The following TTN variants were observed in gnomAD, a reference collection of about 807,000 sequenced individuals.
The protein encoded by TTN is connectin.
In TTN, 1,525 loss-of-function variants were observed where a neutral mutation model predicts 3,223.0. That is an observed-to-expected ratio of 0.47 (90% CI 0.45 to 0.49). The LOEUF is 0.49. TTN is among the 20% of genes least tolerant of loss of function. The pLI is 0.00. For missense variants in TTN, 40,786 were observed against 43,424.0 expected (o/e 0.94, Z 5.40); for synonymous variants, 14,094 against 15,161.0 (o/e 0.93, Z 5.17).
At position 178,713,153 on chromosome 2, in the gene TTN, C is replaced by A; in HGVS notation, c.26981G>T (p.Gly8994Val). Residue 8994 changes from glycine (G) to valine (V), a missense_variant, in exon 93 of 363, where the codon GGT (glycine) becomes GTT (valine). Gly to Val is a moderately radical substitution (Grantham distance 109, BLOSUM62 -3). Coordinates refer to ENST00000589042, the MANE Select transcript of TTN (RefSeq NM_001267550.2). ...ATTAGTAGCTATACATGTGTAGTCA[C>A]CACTGTCTGATTCTTCCAGCATGTT... ...TVNMLEESDS[G>V]DYTCIATNMA... 2 of 1,613,746 alleles carry A rather than the reference C, an allele frequency of 1.2e-6. No individual in the cohort carries two copies. Among genetic ancestry groups the A allele is most frequent in the Non-Finnish European group, 1.7e-6 (2 of 1,179,756 alleles).
chr2:178,745,855 C>A, intron 47 of TTN: 1 of 1,612,920 alleles, frequency 6.2e-7, no homozygotes, highest in Admixed American at 1.7e-5. Flanking sequence ...CTTTGATAAA[C>A]CTGGGAGGCC....
chr2:178,581,959 C>T lies in TTN; in HGVS notation c.66410G>A (p.Gly22137Glu). ...EFRVTAINKA[G>E]PGKPSDASKA... Reference sequence around the variant, plus strand: ...GGATGCGTCACTGGGTTTGCCTGGTCCAGCTTTATTTATAGCTGTAACACG... The same window carrying T: ...GGATGCGTCACTGGGTTTGCCTGGTTCAGCTTTATTTATAGCTGTAACACG... Residue 22137 changes from glycine to glutamate, a missense_variant, in exon 315 of 363, where the codon GGA (glycine) becomes GAA (glutamate). Gly to Glu is a moderately conservative substitution (Grantham distance 98). Transcript: ENST00000589042. The T allele has an allele frequency of 2.5e-6, 4 of 1,613,218 alleles. No individual in the cohort carries two copies. Among genetic ancestry groups the T allele is most frequent in the Non-Finnish European group, 3.4e-6 (4 of 1,179,490 alleles).
intron 242 of TTN, among the ~76,000 whole-genome samples, chr2:178,623,773 C>G (rs1199270923): frequency 6.6e-6 from 1 of 151,882 alleles, no homozygotes; most frequent in Non-Finnish European, 1.5e-5. Context: ...AAAATGTCAT[C>G]ACTGGACAAA....
rs113350914 is a variant in TTN at position 178,617,801 on chromosome 2, G to C, written c.47550C>G (p.Phe15850Leu). The C allele has an allele frequency of 2.5e-6, 4 of 1,612,134 alleles. No individual in the cohort carries two copies. The African/African-American group carries it at 4.0e-5, about 16-fold the overall frequency. The change falls in exon 253 of 363, where the codon TTC becomes TTG. Residue 15850 changes from phenylalanine (F) to leucine (L), a missense_variant. Coordinates refer to ENST00000589042, the MANE Select transcript of TTN (RefSeq NM_001267550.2). Reference sequence around the variant, plus strand: ...TACCAATTGGATCAGCAACTTTGACGAAGGGTGTGGCTGCACTTGGTTTTC... The same window carrying C: ...TACCAATTGGATCAGCAACTTTGACCAAGGGTGTGGCTGCACTTGGTTTTC... ...GVGKPSAATP[F>L]VKVADPIERP...
rs767342781 is a variant in TTN at position 178,578,068 on chromosome 2, A to G, written c.68447T>C (p.Phe22816Ser). 1 of 1,613,250 alleles carries G rather than the reference A, an allele frequency of 6.2e-7. No homozygotes were observed. Among genetic ancestry groups the G allele is most frequent in the South Asian group, 1.1e-5 (1 of 91,050 alleles). Residue 22816 changes from phenylalanine to serine, a missense_variant, in exon 322 of 363, where the codon TTC (phenylalanine) becomes TCC (serine). Coordinates refer to ENST00000589042, the MANE Select transcript of TTN (RefSeq NM_001267550.2). The stretch of plus-strand genomic sequence containing the variant: ...TGCTAAATTGATTGCCATAACTCGG[A>G]ATTCATATTCAAGACCTTCAGTTAA... ...TGLTEGLEYE[F>S]RVMAINLAGV...
rs1692294550 is a variant in TTN at position 178,537,842 on chromosome 2, C to A, written c.99365G>T (p.Cys33122Phe). Reference protein sequence around the residue: ...TKLGEAAQLSCQIVGRPLPDI... With the variant: ...TKLGEAAQLSFQIVGRPLPDI... ...AGGAAGAGGCCTTCCAACAATCTGG[C>A]ATGAGAGTTGAGCAGCTTCACCCAA... The change falls in exon 355 of 363, where the codon TGC (cysteine) becomes TTC (phenylalanine). Residue 33122 changes from cysteine to phenylalanine, a missense_variant. Physicochemically the swap from Cys to Phe is radical, Grantham distance 205 (BLOSUM62 -2). Transcript: ENST00000589042. 1.9e-6 allele frequency: 3 copies of A among 1,613,654 alleles called. No individual in the cohort carries two copies. The East Asian group carries it at 6.7e-5, about 36-fold the overall frequency.
Position 178,567,545 on chromosome 2 carries a change from T to C in TTN, c.78587A>G (p.Asp26196Gly). The change falls in exon 326 of 363, where the codon GAT becomes GGT. Residue 26196 changes from aspartate to glycine, a missense_variant. Coordinates refer to ENST00000589042, the MANE Select transcript of TTN (RefSeq NM_001267550.2). ...DEVELPRISM[D>G]PKFRDTIVVN... The stretch of plus-strand genomic sequence containing the variant: ...CACAATTGTGTCTCTGAATTTTGGA[T>C]CCATTGAAATTCTTGGGAGTTCAAC... 1 of 1,610,364 alleles carries C rather than the reference T, an allele frequency of 6.2e-7. No individual in the cohort carries two copies. The highest frequency in any genetic ancestry group is 8.5e-7 in the Non-Finnish European group (1 of 1,178,168).
chr2:178,541,115 A>G, intron 350 of TTN, 167 bp downstream of exon 350: 1 of 618,910 alleles, frequency 1.6e-6, no homozygotes, highest in South Asian at 5.1e-5. Flanking sequence ...ACAAACGGAC[A>G]CAAGGGAACT....
intron 102 of TTN, 42 bp downstream of exon 102, chr2:178,706,412 T>G: frequency 6.4e-7 from 1 of 1,550,942 alleles, no homozygotes; most frequent in South Asian, 1.2e-5. Context: ...CCCACTTATA[T>G]GGAGGGCTGA....
Position 178,718,361 on chromosome 2 carries a change from C to A in TTN, c.24745G>T (p.Ala8249Ser). 6.2e-7 allele frequency: 1 copy of A among 1,613,702 alleles called. No homozygotes were observed. The change falls in exon 85 of 363, where the codon GCT (alanine) becomes TCT (serine). Residue 8249 changes from alanine to serine, a missense_variant. Coordinates refer to ENST00000589042, the MANE Select transcript of TTN (RefSeq NM_001267550.2). ...AQYSCLIENEAGQDICEALVS... is the reference protein window; with the variant it reads ...AQYSCLIENESGQDICEALVS... ...AGAGCTTCACAGATATCTTGACCAG[C>A]CTCATTTTCTATCAGGCAGCTGTAC...
In TTN at chr2:178,605,037, G is replaced by A. The variant is rs373815064; in HGVS notation, c.54140C>T (p.Ala18047Val). 41 of 1,608,546 alleles carry A rather than the reference G, an allele frequency of 2.5e-5. No homozygotes were observed. The highest frequency in any genetic ancestry group is 3.0e-5 in the Non-Finnish European group (35 of 1,176,498). ...REDKGTYTVT[A>V]SNRLGSVFRN... is the part of the protein sequence containing the mutation. ...GAACACTGAGCCAAGGCGATTGGAA[G>A]CAGTAACTGTGTAAGTGCCTTTGTC... is the stretch of plus-strand genomic sequence containing the variant. Residue 18047 changes from alanine (A) to valine (V), a missense_variant, in exon 280 of 363, where the codon GCT becomes GTT. Transcript: ENST00000589042.
At position 178,712,814 on chromosome 2, in the gene TTN, C is replaced by T; in HGVS notation, c.27211G>A (p.Asp9071Asn). Residue 9071 changes from aspartate to asparagine, a missense_variant, in exon 94 of 363, where the codon GAT (aspartate) becomes AAT (asparagine). By Grantham distance (23) the Asp-to-Asn change is conservative. Coordinates refer to ENST00000589042, the MANE Select transcript of TTN (RefSeq NM_001267550.2). ...PGDRCNVSLEDSVAELELFDV... is the reference protein window; with the variant it reads ...PGDRCNVSLENSVAELELFDV... ...AACAACTCCAGTTCAGCAACTGAAT[C>T]CTCCAAAGACACGTTGCATCTGTCA... is the stretch of plus-strand genomic sequence containing the variant. The T allele has an allele frequency of 6.2e-7, 1 of 1,613,788 alleles. No individual in the cohort carries two copies. Among genetic ancestry groups the T allele is most frequent in the Non-Finnish European group, 8.5e-7 (1 of 1,179,786 alleles).
In TTN at chr2:178,714,638, C is replaced by T. The variant is rs1448091921; in HGVS notation, c.26201-65G>A. 9 of 1,481,702 alleles carry T rather than the reference C, an allele frequency of 6.1e-6. No individual in the cohort carries two copies. The Admixed American group carries it at 1.4e-4, about 23-fold the overall frequency. The allele number at this position is 1,481,702 out of a possible 1,614,324, so 91.8% of individuals were successfully genotyped here. On this transcript the variant is annotated intron_variant, in intron 90 of 362. Coordinates refer to ENST00000589042, the MANE Select transcript of TTN (RefSeq NM_001267550.2). The stretch of plus-strand genomic sequence containing the variant: ...GAGACTGACAGCATTTTGCTCAAAT[C>T]GTGAATGCCGGGAATCAAACTAGTG...
Position 178,709,676 on chromosome 2 carries a change from G to A in TTN, c.28643C>T (p.Thr9548Met), listed in dbSNP as rs752064053. The part of the protein sequence containing the change: ...SNCEITFKNN[T>M]LVLQVRKAGM... ...TGCTTTCCTGACTTGCAGCACTAAC[G>A]TGTTGTTCTTGAATGTTATTTCACA... The change falls in exon 99 of 363, where the codon ACG becomes ATG. Residue 9548 changes from threonine to methionine, a missense_variant. Coordinates refer to ENST00000589042, the MANE Select transcript of TTN (RefSeq NM_001267550.2). 9.3e-6 allele frequency: 15 copies of A among 1,613,768 alleles called. No individual in the cohort carries two copies. The African/African-American group carries it at 1.2e-4, about 13-fold the overall frequency.
rs2154193609 is a variant in TTN, at chr2:178,602,429, GTTCATT to G, written c.54967_54972del (p.Asn18323_Glu18324del). On this transcript the variant is annotated inframe_deletion, in exon 283 of 363. Transcript: ENST00000589042. ...TCACAGGTAGTTATAAGTTTGTCTG[GTTCATT>G]TACTCTTTTCCAGTCAGTAGTACCT... 1 of 1,612,572 alleles carries G rather than the reference GTTCATT, an allele frequency of 6.2e-7. No individual in the cohort carries two copies. The highest frequency in any genetic ancestry group is 1.7e-5 in the Admixed American group (1 of 59,882).
rs1391393842 is a variant in TTN, at chr2:178,600,940, T to C, written c.55964A>G (p.Tyr18655Cys). The C allele has an allele frequency of 6.2e-7, 1 of 1,613,030 alleles. No homozygotes were observed. Among genetic ancestry groups the C allele is most frequent in the African/African-American group, 1.3e-5 (1 of 74,976 alleles). The stretch of plus-strand genomic sequence containing the variant: ...ATTGACAGCTTTGACTCGGAATTCA[T>C]ATTCCCCACCCTCTACTAGGTCTTC... ...TVEDLVEGGE[Y>C]EFRVKAVNAA... The change falls in exon 288 of 363, where the codon TAT (tyrosine) becomes TGT (cysteine). Residue 18655 changes from tyrosine to cysteine, a missense_variant. Physicochemically the swap from Tyr to Cys is radical, Grantham distance 194. Transcript: ENST00000589042.
chr2:178,805,358 A>AC (rs2094268312), intron 1 of TTN, among the ~76,000 whole-genome samples: 1 of 151,728 alleles, frequency 6.6e-6, no homozygotes, highest in Non-Finnish European at 1.5e-5. Context: ...AAAAAAAAAA[A>AC]AAAAAATTAA....
rs2079675599 is a variant in TTN at position 178,728,092 on chromosome 2, A to T, written c.19714+18T>A. ...GCATTCGCAAGGAAGAATCAAGAAG[A>T]GGTAAAGAAATTCTAACCTTTCACA... On this transcript the variant is annotated intron_variant, in intron 67 of 362. Coordinates refer to ENST00000589042, the MANE Select transcript of TTN (RefSeq NM_001267550.2). 1 of 1,534,962 alleles carries T rather than the reference A, an allele frequency of 6.5e-7. No homozygotes were observed. The highest frequency in any genetic ancestry group is 1.4e-5 in the African/African-American group (1 of 72,344).
chr2:178,789,092 C>T (rs1458739524), intron 13 of TTN, among the ~76,000 whole-genome samples: 2 of 152,052 alleles, frequency 1.3e-5, no homozygotes, highest in African/African-American at 4.8e-5. Flanking sequence ...TTTTAATCAA[C>T]TTCTGGAAGA....
Sources: gnomAD v4.1 joint callset for allele counts (sites outside exome capture counted in the v4.1 genomes callset) on GRCh38, gnomAD v4.1.1 for gene constraint, MANE v1.5 for transcripts, NCBI Gene and HGNC (gene_info 2026-07-23, HGNC 2026-07-21) for gene names.